DLC1: variants seen among roughly 807,000 people sequenced by gnomAD.
DLC1 encodes the protein DLC1 Rho GTPase activating protein, also known as rho GTPase-activating protein 7.
Under a neutral mutation model 140.3 loss-of-function variants are expected in DLC1, and 54 were observed. The observed-to-expected ratio is 0.38, with a 90% confidence interval of 0.31 to 0.48. The LOEUF (loss-of-function observed/expected upper bound fraction) is 0.48, where lower values mean the gene tolerates loss of function less well. Ranked by LOEUF, DLC1 falls within the 20% of genes least tolerant of loss-of-function variation. The pLI, the probability that DLC1 is intolerant of heterozygous loss-of-function variation, is 0.96. For missense variants in DLC1, 2,536 were observed against 1,907.0 expected, an observed-to-expected ratio of 1.33 and a Z score of -6.14; for synonymous variants, 986 against 728.1, an observed-to-expected ratio of 1.35 and a Z score of -5.70.
At chr8:13,164,612 G>A (rs1457025050) in intron 5 of DLC1, among the ~76,000 whole-genome samples, 1 of 152,172 alleles carries the variant, frequency 6.6e-6, no homozygotes, top group Admixed American at 6.5e-5. Flanking sequence ...GGCATGGGAT[G>A]TGGTGTGTGA....
intron 5 of DLC1, among the ~76,000 whole-genome samples, chr8:13,296,014 G>A (rs1158791373): frequency 6.9e-6 from 1 of 143,892 alleles, no homozygotes; most frequent in South Asian, 2.2e-4. Context: ...GTGCAGTAGG[G>A]CGATCTTGGC....
intron 1 of DLC1, among the ~76,000 whole-genome samples, chr8:13,555,955 G>A (rs1804031447): frequency 6.6e-6 from 1 of 152,088 alleles, no homozygotes; most frequent in Admixed American, 6.5e-5. Flanking sequence ...ACTTTACTAA[G>A]AAAGAAAGAG....
intron 2 of DLC1, among the ~76,000 whole-genome samples, chr8:13,409,299 G>T (rs1022727595): frequency 6.6e-6 from 1 of 151,934 alleles, no homozygotes. Context: ...GATTCTTTAT[G>T]CTATCTGATA....
intron 2 of DLC1, among the ~76,000 whole-genome samples, chr8:13,453,701 C>T (rs1233184561): frequency 6.7e-6 from 1 of 149,576 alleles, no homozygotes; most frequent in African/African-American, 2.5e-5. Flanking sequence ...TTTAGCCTGG[C>T]TAGGTTTTCT....
In DLC1 at chr8:13,443,780, G is replaced by C. The variant is rs187036853; in HGVS notation, c.1024-42161C>G. On this transcript the variant is annotated intron_variant, in intron 2 of 17. Coordinates refer to ENST00000276297, the MANE Select transcript of DLC1 (RefSeq NM_182643.3). The stretch of plus-strand genomic sequence containing the variant: ...ACTTTCCCCAGGCTTTTCATGATAA[G>C]TAGCATAATGAATATCCAAAAACAC... 7.2e-4 allele frequency among the ~76,000 whole-genome samples: 110 copies of C among 152,062 alleles called. No individual in the cohort carries two copies. The Middle Eastern group carries it at 0.017, about 24-fold the overall frequency.
intron 4 of DLC1, among the ~76,000 whole-genome samples, chr8:13,357,716 T>C (rs1444222650): frequency 6.6e-6 from 1 of 152,252 alleles, no homozygotes; most frequent in Non-Finnish European, 1.5e-5. Context: ...GTTTTCTTCC[T>C]TGAGAATTAC....
In DLC1 at chr8:13,567,201, A is replaced by G. The variant is rs762446238; in HGVS notation, c.-126+37336T>C. The G allele has an allele frequency of 1.2e-5, 18 of 1,551,780 alleles. No homozygotes were observed. In the South Asian group the frequency reaches 1.2e-4, roughly 10 times the overall value. On this transcript the variant is annotated intron_variant, in intron 1 of 1. Coordinates refer to the DLC1 transcript ENST00000631382. ...CAAGCTTGGAACAAGGAGACACACAATCTGAGCTTTTGGACTATAAAAATT... is the reference window on the plus strand; with the variant it reads ...CAAGCTTGGAACAAGGAGACACACAGTCTGAGCTTTTGGACTATAAAAATT...
intron 3 of DLC1, 107 bp from the exon 4 acceptor site, chr8:13,393,800 G>C: frequency 1.5e-6 from 2 of 1,318,346 alleles, no homozygotes; most frequent in Non-Finnish European, 2.1e-6. Context: ...AGTGCACACT[G>C]ATACACTAAA....
chr8:13,575,437 G>A (rs1278809477), intron 1 of DLC1, among the ~76,000 whole-genome samples: 6 of 151,986 alleles, frequency 3.9e-5, no homozygotes, highest in Admixed American at 6.6e-5. Context: ...TAATTAGGGG[G>A]TGGGGCCGAG....
intron 4 of DLC1, among the ~76,000 whole-genome samples, chr8:13,325,023 A>G (rs1295808741): frequency 1.3e-5 from 2 of 152,252 alleles, no homozygotes; most frequent in African/African-American, 4.8e-5. Context: ...GTTTCTTAAA[A>G]TTACACACTT....
chr8:13,576,295 C>T (rs1230192209), intron 1 of DLC1, among the ~76,000 whole-genome samples: 1 of 152,138 alleles, frequency 6.6e-6, no homozygotes, highest in Non-Finnish European at 1.5e-5. Context: ...AAAGCCTCTA[C>T]AGTGAAGGAT....
rs572918846 is a variant in DLC1 at position 13,154,556 on chromosome 8, C to T, written c.1349-38899G>A. Among the ~76,000 whole-genome samples, 421 of 152,314 alleles carry T rather than the reference C, an allele frequency of 2.8e-3. 1 individual carries two copies. Among genetic ancestry groups the T allele is most frequent in the Non-Finnish European group, 4.4e-3 (297 of 68,036 alleles). ...CTGGCCCACGAGTGCCAGTGCGCAG[C>T]CCCGGTTCCTGCTGGCGCCTCTCCC... On this transcript the variant is annotated intron_variant, in intron 5 of 17. Coordinates refer to ENST00000276297, the MANE Select transcript of DLC1 (RefSeq NM_182643.3).
intron 1 of DLC1, among the ~76,000 whole-genome samples, chr8:13,542,377 G>C (rs1385644219): frequency 6.6e-6 from 1 of 152,064 alleles, no homozygotes; most frequent in Non-Finnish European, 1.5e-5. Context: ...GTCTATTTCT[G>C]GGCACACTGT....
intron 2 of DLC1, among the ~76,000 whole-genome samples, chr8:13,495,367 A>T (rs1801454266): frequency 6.6e-6 from 1 of 152,068 alleles, no homozygotes; most frequent in African/African-American, 2.4e-5. Flanking sequence ...CCTCCTCCAG[A>T]CTACTTTGGA....
intron 4 of DLC1, among the ~76,000 whole-genome samples, chr8:13,313,304 G>A (rs777918677): frequency 6.6e-6 from 1 of 152,158 alleles, no homozygotes; most frequent in Admixed American, 6.5e-5. Flanking sequence ...GCTAAGTGCA[G>A]TAATTGCAGA....
At chr8:13,443,810 G>A (rs1047728526) in intron 2 of DLC1, among the ~76,000 whole-genome samples, 2 of 152,080 alleles carry the variant, frequency 1.3e-5, no homozygotes, top group Admixed American at 1.3e-4. Flanking sequence ...AAACACAGAG[G>A]TTATATTGAA....
chr8:13,406,201 G>GTTTTT (rs1837555616), intron 2 of DLC1, among the ~76,000 whole-genome samples: 2 of 30,774 alleles, frequency 6.5e-5, no homozygotes, highest in African/African-American at 2.6e-4. Context: ...TTTTTTTTCA[G>GTTTTT]TGGAGACAGG....
At chr8:13,392,982 G>C (rs967240694) in intron 4 of DLC1, among the ~76,000 whole-genome samples, 5 of 151,974 alleles carry the variant, frequency 3.3e-5, no homozygotes, top group African/African-American at 1.2e-4. Context: ...TGTTTGATGT[G>C]GATGTTTTAT....
chr8:13,557,797 C>G (rs1804100582), intron 1 of DLC1: 1 of 151,998 alleles, frequency 6.6e-6, no homozygotes, highest in Non-Finnish European at 1.5e-5. Context: ...AGTCTGAAAA[C>G]AAGCTAAAAT....
Sources: gnomAD v4.1 joint callset for allele counts (sites outside exome capture counted in the v4.1 genomes callset) on GRCh38, gnomAD v4.1.1 for gene constraint, MANE v1.5 for transcripts, NCBI Gene and HGNC (gene_info 2026-07-23, HGNC 2026-07-21) for gene names.